The following MGAT5 variants were observed in gnomAD, a reference collection of about 807,000 sequenced individuals.
MGAT5 encodes alpha-1,6-mannosylglycoprotein 6-beta-N-acetylglucosaminyltransferase A.
Under a neutral mutation model 94.3 loss-of-function variants are expected in MGAT5, and 30 were observed. The observed-to-expected ratio is 0.32, with a 90% CI of 0.24 to 0.43. MGAT5 has a LOEUF of 0.43. Ranked by LOEUF, MGAT5 falls within the 20% of genes least tolerant of loss-of-function variation. The pLI is 1.00. For missense variants in MGAT5, 691 were observed against 905.5 expected, an observed-to-expected ratio of 0.76 and a Z score of 3.04; for synonymous variants, 310 against 322.9, an observed-to-expected ratio of 0.96 and a Z score of 0.43.
chr2:134,141,914 A>G (rs11890697), intron 1 of MGAT5, among the ~76,000 whole-genome samples: 32,107 of 152,168 alleles, frequency 0.21, 4,904 homozygotes, highest in African/African-American at 0.44. Context: ...TGAAAGGTGC[A>G]TGGCTTGGGC....
chr2:134,305,261 A>C (rs1686256081), intron 2 of MGAT5, among the ~76,000 whole-genome samples: 1 of 152,198 alleles, frequency 6.6e-6, no homozygotes, highest in African/African-American at 2.4e-5. Context: ...GTGAAAACAA[A>C]AATTTTTCTT....
chr2:134,281,741 G>A (rs1463292743), intron 2 of MGAT5, among the ~76,000 whole-genome samples: 2 of 152,184 alleles, frequency 1.3e-5, no homozygotes, highest in Non-Finnish European at 2.9e-5. Flanking sequence ...ACTCCTGTGC[G>A]GGAGTGCTCA....
chr2:134,149,364 A>G (rs1687070595), intron 1 of MGAT5, among the ~76,000 whole-genome samples: 1 of 152,116 alleles, frequency 6.6e-6, no homozygotes, highest in South Asian at 2.1e-4. Flanking sequence ...GAAATGTTTT[A>G]TAGGCCCCCC....
chr2:134,395,944 T>C (rs894262730), intron 10 of MGAT5, among the ~76,000 whole-genome samples: 1 of 152,208 alleles, frequency 6.6e-6, no homozygotes. Context: ...CAAGACTAAA[T>C]GTGGAGGCCA....
chr2:134,247,509 C>A lies in MGAT5; in HGVS notation c.-142-6753C>A, dbSNP rs533372477. On this transcript the variant is annotated intron_variant, in intron 1 of 16. Transcript: ENST00000409645. ...TGAGTCTCTGCGATATAAATTGATA[C>A]GTATATTGATTGTCTCTAGTATCTT... Among the ~76,000 whole-genome samples the A allele has an allele frequency of 1.8e-4, 27 of 152,052 alleles. No individual in the cohort carries two copies. The East Asian group carries it at 5.0e-3, about 28-fold the overall frequency.
chr2:134,124,379 C>T (rs1223499344), intron 1 of MGAT5, among the ~76,000 whole-genome samples: 3 of 152,186 alleles, frequency 2.0e-5, no homozygotes, highest in African/African-American at 7.2e-5. Flanking sequence ...TATGTGTGTG[C>T]ATGGGAGGGG....
intron 1 of MGAT5, among the ~76,000 whole-genome samples, chr2:134,120,609 A>G (rs1444117026): frequency 6.6e-6 from 1 of 151,634 alleles, no homozygotes. Context: ...TGGCATTCCT[A>G]GGGACAGTCC....
chr2:134,369,435 G>A (rs1338474521), intron 10 of MGAT5, among the ~76,000 whole-genome samples: 1 of 152,158 alleles, frequency 6.6e-6, no homozygotes, highest in Non-Finnish European at 1.5e-5. Flanking sequence ...GGCCAGCTCT[G>A]CTGTCATATG....
chr2:134,309,543 C>T (rs1260633644), intron 2 of MGAT5, among the ~76,000 whole-genome samples: 2 of 152,144 alleles, frequency 1.3e-5, no homozygotes, highest in Non-Finnish European at 1.5e-5. Flanking sequence ...CTCTTGATTT[C>T]CATTTCCCTG....
chr2:134,411,913 G>A (rs553056325), intron 11 of MGAT5, among the ~76,000 whole-genome samples: 2 of 152,200 alleles, frequency 1.3e-5, no homozygotes, highest in South Asian at 4.1e-4. Context: ...ATGTGCCCCT[G>A]GGGGCTGAAA....
At chr2:134,311,531 GTC>G (rs138510728) in intron 2 of MGAT5, among the ~76,000 whole-genome samples, 2 of 151,090 alleles carry the variant, frequency 1.3e-5, no homozygotes, top group African/African-American at 2.4e-5. Context: ...GCAAACTCCT[GTC>G]TCTCTCTCTC....
At chr2:134,326,268 C>G (rs1402292433) in intron 4 of MGAT5, among the ~76,000 whole-genome samples, 2 of 151,842 alleles carry the variant, frequency 1.3e-5, no homozygotes, top group Admixed American at 1.3e-4. Context: ...TGCTTGCTTG[C>G]TTTTTGTTTT....
upstream of MGAT5, among the ~76,000 whole-genome samples, chr2:134,252,093 C>G (rs1374673990): frequency 6.6e-6 from 1 of 152,118 alleles, no homozygotes; most frequent in Non-Finnish European, 1.5e-5. Flanking sequence ...GAATAGTATT[C>G]CATTGTCAGA....
intron 1 of MGAT5, among the ~76,000 whole-genome samples, chr2:134,182,780 GTTTTTT>G (rs5834402): frequency 2.3e-5 from 2 of 87,052 alleles, no homozygotes; most frequent in African/African-American, 8.8e-5. Context: ...TAGAAGATTA[GTTTTTT>G]TTTTTTTTTT....
intron 2 of MGAT5, among the ~76,000 whole-genome samples, chr2:134,304,038 C>G (rs1381495622): frequency 6.6e-6 from 1 of 152,216 alleles, no homozygotes; most frequent in Non-Finnish European, 1.5e-5. Context: ...TGTTCCAATA[C>G]AAGCTTCTCT....
intron 2 of MGAT5, among the ~76,000 whole-genome samples, chr2:134,286,445 T>C (rs1215624965): frequency 6.6e-6 from 1 of 152,178 alleles, no homozygotes; most frequent in Non-Finnish European, 1.5e-5. Flanking sequence ...TTTCTTTTTT[T>C]TTTTAAGATG....
intron 5 of MGAT5, among the ~76,000 whole-genome samples, chr2:134,337,161 G>C (rs575632772): frequency 9.9e-5 from 15 of 152,246 alleles, no homozygotes; most frequent in African/African-American, 3.4e-4. Flanking sequence ...CACAGGAGTC[G>C]TAGGATATTG....
chr2:134,341,961 G>A (rs1688659921), intron 7 of MGAT5, among the ~76,000 whole-genome samples: 1 of 152,100 alleles, frequency 6.6e-6, no homozygotes, highest in Non-Finnish European at 1.5e-5. Context: ...GTCGCTGAAG[G>A]CTCCAGAGGC....
chr2:134,381,536 CAGATAGAT>C (rs57978433), intron 10 of MGAT5, among the ~76,000 whole-genome samples: 10 of 146,960 alleles, frequency 6.8e-5, no homozygotes, highest in South Asian at 2.3e-4. Context: ...GACAGACAGA[CAGATAGAT>C]AGATAGATAG....
Sources: allele counts gnomAD v4.1 joint callset (sites outside exome capture counted in the v4.1 genomes callset), GRCh38; gene constraint gnomAD v4.1.1; transcripts MANE v1.5; gene names NCBI Gene and HGNC (gene_info 2026-07-23, HGNC 2026-07-21).